NPY1R: variants seen among roughly 807,000 people sequenced by gnomAD.
NPY1R encodes the protein neuropeptide Y receptor Y1.
In NPY1R, 10 loss-of-function variants were observed where a neutral mutation model predicts 24.1. That is an observed-to-expected ratio of 0.42 (90% confidence interval 0.26 to 0.71). NPY1R has a LOEUF of 0.71. Among genes scored for constraint, NPY1R ranks in the 30% least tolerant of loss-of-function variants. The pLI is 0.28. For synonymous variants in NPY1R, 168 were observed against 165.9 expected (o/e 1.01, Z -0.10); for missense variants, 350 against 458.0 (o/e 0.76, Z 2.15).
chr4:163,339,012 T>C (rs1734913893), intron 1 of NPY1R, among the ~76,000 whole-genome samples: 1 of 152,184 alleles, frequency 6.6e-6, no homozygotes, highest in African/African-American at 2.4e-5. Context: ...ACTTATTTCT[T>C]TTCTAAATGG....
chr4:163,337,491 T>G (rs545670600), upstream of NPY1R, among the ~76,000 whole-genome samples: 1 of 152,274 alleles, frequency 6.6e-6, no homozygotes, highest in East Asian at 1.9e-4. Context: ...TCCCTCCTTT[T>G]GGCAATAGTT....
rs1734588593 is a variant in NPY1R at position 163,325,684 on chromosome 4, G to A, written c.774C>T (p.Thr258=). ...AGAGCAGCATGATATTGATTCTTTT[G>A]GTTTCACTGGACCTGTACTTATTGT... The part of the protein sequence containing the change: ...MRDNKYRSSE[T]KRINIMLLSI... Residue 258 remains threonine, a synonymous_variant, in exon 3 of 3, where the codon ACC becomes ACT. Coordinates refer to ENST00000296533, the MANE Select transcript of NPY1R (RefSeq NM_000909.6). 1.9e-6 allele frequency: 3 copies of A among 1,604,284 alleles called. No homozygotes were observed. Among genetic ancestry groups the A allele is most frequent in the Non-Finnish European group, 2.5e-6 (3 of 1,179,066 alleles).
chr4:163,332,849 A>G (rs1185889039), upstream of NPY1R: 1 of 152,254 alleles, frequency 6.6e-6, no homozygotes, highest in Non-Finnish European at 1.5e-5. Context: ...ACTCCGGGGA[A>G]GGCAGGGCAG....
chr4:163,341,089 G>GT (rs976297340), intron 1 of NPY1R, among the ~76,000 whole-genome samples: 231 of 146,368 alleles, frequency 1.6e-3, no homozygotes, highest in Admixed American at 0.014. Context: ...TAGCTTTTGG[G>GT]TTTTTTTTTT....
At position 163,326,590 on chromosome 4, in the gene NPY1R, A is replaced by C. The variant is rs1415696126; in HGVS notation, c.-36T>G. The C allele has an allele frequency of 1.5e-6, 2 of 1,309,016 alleles. No individual in the cohort carries two copies. Among genetic ancestry groups the C allele is most frequent in the South Asian group, 1.4e-5 (1 of 73,726 alleles). The allele number at this position is 1,309,016 out of a possible 1,614,324, so 81.1% of individuals were successfully genotyped here. ...TTGGTTGTTATAGATTATTTTAGAC[A>C]AATGGACAGTATGTTTCTTCAAAGC... On this transcript the variant is annotated 5_prime_UTR_variant, in exon 2 of 3. Coordinates refer to ENST00000296533, the MANE Select transcript of NPY1R (RefSeq NM_000909.6).
chr4:163,326,109 C>A lies in NPY1R; in HGVS notation c.446G>T (p.Arg149Ile). ...HQLIINPRGWRPNNRHAYVGI... is the reference protein window; with the variant it reads ...HQLIINPRGWIPNNRHAYVGI... ...TACATAAGCATGTCTATTATTTGGT[C>A]TCCACCCTCGAGGGTTGATTATCAG... is the stretch of plus-strand genomic sequence containing the variant. The change falls in exon 2 of 3, where the codon AGA becomes ATA. Residue 149 changes from arginine (R) to isoleucine (I), a missense_variant. By Grantham distance (97) the Arg-to-Ile change is moderately conservative. Coordinates refer to ENST00000296533, the MANE Select transcript of NPY1R (RefSeq NM_000909.6). 6.2e-7 allele frequency: 1 copy of A among 1,614,118 alleles called. No homozygotes were observed. The highest frequency in any genetic ancestry group is 8.5e-7 in the Non-Finnish European group (1 of 1,179,996).
intron 1 of NPY1R, among the ~76,000 whole-genome samples, chr4:163,339,662 A>G (rs1158218089): frequency 6.6e-6 from 1 of 152,228 alleles, no homozygotes; most frequent in Non-Finnish European, 1.5e-5. Context: ...AAACATTAAA[A>G]AAGTGTCTTC....
chr4:163,326,359 A>G lies in NPY1R; in HGVS notation c.196T>C (p.Leu66=). The G allele has an allele frequency of 6.2e-7, 1 of 1,614,132 alleles. No homozygotes were observed. The highest frequency in any genetic ancestry group is 8.5e-7 in the Non-Finnish European group (1 of 1,179,958). ...ACATTTCTCATCTCCTTTTGTTTCAAGATGATTATGATCAAGGCCAGGTTT... is the reference window on the plus strand; with the variant it reads ...ACATTTCTCATCTCCTTTTGTTTCAGGATGATTATGATCAAGGCCAGGTTT... ...SGNLALIIII[L]KQKEMRNVTN... Residue 66 remains leucine, a synonymous_variant, in exon 2 of 3, where the codon TTG becomes CTG. Transcript: ENST00000296533.
chr4:163,326,119 G>T lies in NPY1R; in HGVS notation c.436C>A (p.Arg146=), dbSNP rs183843859. The part of the protein sequence containing the change: ...VERHQLIINP[R]GWRPNNRHAY... ...TGTCTATTATTTGGTCTCCACCCTC[G>T]AGGGTTGATTATCAGCTGATGTCGT... Residue 146 remains arginine (R), a synonymous_variant, in exon 2 of 3, where the codon CGA becomes AGA. Transcript: ENST00000296533. The T allele has an allele frequency of 6.2e-7, 1 of 1,614,074 alleles. No individual in the cohort carries two copies. Among genetic ancestry groups the T allele is most frequent in the Non-Finnish European group, 8.5e-7 (1 of 1,179,988 alleles).
chr4:163,326,047 A>C lies in NPY1R; in HGVS notation c.508T>G (p.Ser170Ala). 1 of 1,614,158 alleles carries C rather than the reference A, an allele frequency of 6.2e-7. No homozygotes were observed. Among genetic ancestry groups the C allele is most frequent in the Non-Finnish European group, 8.5e-7 (1 of 1,179,998 alleles). The change falls in exon 2 of 3, where the codon TCT (serine) becomes GCT (alanine). Residue 170 changes from serine to alanine, a missense_variant. By Grantham distance (99) the Ser-to-Ala change is moderately conservative. Coordinates refer to ENST00000296533, the MANE Select transcript of NPY1R (RefSeq NM_000909.6). Reference protein sequence around the residue: ...AVIWVLAVASSLPFLIYQVMT... With the variant: ...AVIWVLAVASALPFLIYQVMT... Reference sequence around the variant, plus strand: ...ACTTGGTAGATCAGGAAAGGCAAAGAAGAAGCCACAGCAAGGACCCAAATC... The same window carrying C: ...ACTTGGTAGATCAGGAAAGGCAAAGCAGAAGCCACAGCAAGGACCCAAATC...
chr4:163,343,465 T>G (rs567407662), intron 1 of NPY1R, among the ~76,000 whole-genome samples: 8 of 152,100 alleles, frequency 5.3e-5, no homozygotes, highest in Non-Finnish European at 7.4e-5. Flanking sequence ...GTCTTTTTTC[T>G]TTCTTTCTTT....
At chr4:163,335,504 C>A (rs6837777), upstream of NPY1R, among the ~76,000 whole-genome samples, 1 of 152,184 alleles carries the variant, frequency 6.6e-6, no homozygotes, top group African/African-American at 2.4e-5. Context: ...TGAGGAATTT[C>A]TGCTACAAGA....
At chr4:163,338,142 C>T (rs926237555) in intron 1 of NPY1R, among the ~76,000 whole-genome samples, 1 of 140,164 alleles carries the variant, frequency 7.1e-6, no homozygotes, top group African/African-American at 2.6e-5. Context: ...TTTTTTTTCC[C>T]CCTAGGATCC....
chr4:163,342,250 A>G (rs1159505368), intron 1 of NPY1R, among the ~76,000 whole-genome samples: 1 of 152,248 alleles, frequency 6.6e-6, no homozygotes, highest in Non-Finnish European at 1.5e-5. Flanking sequence ...TTTAATATGC[A>G]AAAGCCTGTA....
At position 163,325,234 on chromosome 4, in the gene NPY1R, T is replaced by C; in HGVS notation, c.*69A>G. 9.2e-7 allele frequency: 1 copy of C among 1,088,240 alleles called. No individual in the cohort carries two copies. Among genetic ancestry groups the C allele is most frequent in the Non-Finnish European group, 1.3e-6 (1 of 742,654 alleles). The allele number at this position is 1,088,240 out of a possible 1,614,324, so 67.4% of individuals were successfully genotyped here. ...CCCCATTCCTTGGGAGAACAGGTAA[T>C]CAAAGTATGTTGCAGGTTGTGCTTG... On this transcript the variant is annotated 3_prime_UTR_variant, in exon 3 of 3. Coordinates refer to ENST00000296533, the MANE Select transcript of NPY1R (RefSeq NM_000909.6).
At chr4:163,337,484 C>T (rs773415897), upstream of NPY1R, among the ~76,000 whole-genome samples, 65 of 152,110 alleles carry the variant, frequency 4.3e-4, 1 homozygote, top group Non-Finnish European at 7.9e-4. Context: ...TTTCAAGTCC[C>T]TCCTTTTGGC....
intron 1 of NPY1R, 117 bp from the exon 2 acceptor site, chr4:163,326,822 C>G (rs1734620222): frequency 3.4e-6 from 1 of 295,262 alleles, no homozygotes; most frequent in African/African-American, 2.2e-5. Flanking sequence ...AAAATGTAAT[C>G]TTGTAAACAT....
Position 163,326,046 on chromosome 4 carries a change from G to C in NPY1R, c.509C>G (p.Ser170Cys). 1 of 1,614,058 alleles carries C rather than the reference G, an allele frequency of 6.2e-7. No individual in the cohort carries two copies. Residue 170 changes from serine to cysteine, a missense_variant, in exon 2 of 3, where the codon TCT (serine) becomes TGT (cysteine). Ser to Cys is a moderately radical substitution (Grantham distance 112). Coordinates refer to ENST00000296533, the MANE Select transcript of NPY1R (RefSeq NM_000909.6). ...AVIWVLAVAS[S>C]LPFLIYQVMT... ...TACTTGGTAGATCAGGAAAGGCAAA[G>C]AAGAAGCCACAGCAAGGACCCAAAT... is the stretch of plus-strand genomic sequence containing the variant.
At chr4:163,341,596 C>T (rs970199188) in intron 1 of NPY1R, among the ~76,000 whole-genome samples, 3 of 152,118 alleles carry the variant, frequency 2.0e-5, no homozygotes, top group Non-Finnish European at 4.4e-5. Flanking sequence ...TCCCAAGTCA[C>T]CTTTAACTTT....
Sources: gnomAD v4.1 joint callset for allele counts (sites outside exome capture counted in the v4.1 genomes callset) on GRCh38, gnomAD v4.1.1 for gene constraint, MANE v1.5 for transcripts, NCBI Gene and HGNC (gene_info 2026-07-23, HGNC 2026-07-21) for gene names.